GALK2: variants seen among roughly 807,000 people sequenced by gnomAD.
GALK2 encodes galactokinase 2.
In GALK2, 36 loss-of-function variants were observed where a neutral mutation model predicts 52.4. The ratio of observed to expected loss-of-function variants is 0.69; its 90% CI spans 0.53 to 0.91. GALK2 has a LOEUF of 0.91. GALK2 is among the 40% of genes least tolerant of loss of function. GALK2 has a pLI of 0.00. For synonymous variants in GALK2, 176 were observed against 199.1 expected (o/e 0.88, Z 0.98); for missense variants, 579 against 559.1 (o/e 1.04, Z -0.36).
chr15:49,351,019 G>A (rs1056263705), intron 3 of GALK2, among the ~76,000 whole-genome samples: 1 of 152,136 alleles, frequency 6.6e-6, no homozygotes, highest in Middle Eastern at 3.2e-3. Flanking sequence ...GACCACACTG[G>A]CCAGTGCATA....
chr15:49,326,935 T>C (rs912890010), intron 9 of GALK2: 1 of 152,140 alleles, frequency 6.6e-6, no homozygotes, highest in African/African-American at 2.4e-5. Context: ...AAATATCTCA[T>C]TTAGATTGAA....
At chr15:49,210,973 TCACACACACACA>T (rs3075099) in intron 2 of GALK2, among the ~76,000 whole-genome samples, 1 of 146,540 alleles carries the variant, frequency 6.8e-6, no homozygotes, top group Non-Finnish European at 1.5e-5. Flanking sequence ...ACACACACAC[TCACACACACACA>T]CACACACACA....
At chr15:49,351,042 A>G (rs902180725) in intron 3 of GALK2, among the ~76,000 whole-genome samples, 1 of 152,144 alleles carries the variant, frequency 6.6e-6, no homozygotes, top group African/African-American at 2.4e-5. Context: ...CTACTCAACC[A>G]TACGCTGTGG....
At chr15:49,174,521 T>C (rs1171537317) in intron 1 of GALK2, among the ~76,000 whole-genome samples, 3 of 152,064 alleles carry the variant, frequency 2.0e-5, no homozygotes, top group Non-Finnish European at 4.4e-5. Flanking sequence ...AATTTTTGTA[T>C]TTTTAGTAGA....
At chr15:49,197,283 A>G (rs1363042414) in intron 1 of GALK2, among the ~76,000 whole-genome samples, 2 of 152,230 alleles carry the variant, frequency 1.3e-5, no homozygotes, top group South Asian at 2.1e-4. Flanking sequence ...AGCATAATAC[A>G]TTCAGTCCTA....
At chr15:49,345,936 G>T (rs983564709) in intron 3 of GALK2, among the ~76,000 whole-genome samples, 1 of 152,104 alleles carries the variant, frequency 6.6e-6, no homozygotes, top group African/African-American at 2.4e-5. Flanking sequence ...GAAAAGAATG[G>T]CCCAGGGGCA....
chr15:49,271,313 T>C (rs2030564625), intron 5 of GALK2, among the ~76,000 whole-genome samples: 1 of 152,180 alleles, frequency 6.6e-6, no homozygotes, highest in Non-Finnish European at 1.5e-5. Flanking sequence ...TTCTCCCCTC[T>C]TCTCCTCTTC....
At chr15:49,187,713 C>T (rs1372635646) in intron 1 of GALK2, among the ~76,000 whole-genome samples, 2 of 152,164 alleles carry the variant, frequency 1.3e-5, no homozygotes, top group African/African-American at 4.8e-5. Context: ...CTCCCCCAGC[C>T]TGTAGTGAGT....
At chr15:49,218,803 C>T (rs984583296) in intron 3 of GALK2, among the ~76,000 whole-genome samples, 1 of 151,942 alleles carries the variant, frequency 6.6e-6, no homozygotes, top group Non-Finnish European at 1.5e-5. Context: ...TGGGTAAATA[C>T]CTATGATTGG....
intron 1 of GALK2, among the ~76,000 whole-genome samples, chr15:49,192,178 C>T (rs1473956990): frequency 1.3e-5 from 2 of 151,776 alleles, no homozygotes; most frequent in Non-Finnish European, 2.9e-5. Context: ...TCAGCCATTT[C>T]TTTAAGGAAC....
chr15:49,331,909 T>A, downstream of GALK2: 1 of 930,520 alleles, frequency 1.1e-6, no homozygotes, highest in Non-Finnish European at 1.8e-6. Context: ...TGACACCATC[T>A]AAATAGCCAA....
rs917014865 is a variant in GALK2, at chr15:49,349,506, T to C, written c.427-17985T>C. On this transcript the variant is annotated intron_variant, in intron 3 of 3. Coordinates refer to the GALK2 transcript ENST00000558399. ...TTACTATGCCTTGCCAATATTTTTA[T>C]GCTTATTCTCTATTACATAAGTTTT... 1.3e-5 allele frequency among the ~76,000 whole-genome samples: 2 copies of C among 152,210 alleles called. 1 individual carries two copies. Among genetic ancestry groups the C allele is most frequent in the Non-Finnish European group, 2.9e-5 (2 of 68,016 alleles).
chr15:49,180,099 A>G (rs372727580), intron 1 of GALK2, among the ~76,000 whole-genome samples: 1 of 152,320 alleles, frequency 6.6e-6, no homozygotes, highest in African/African-American at 2.4e-5. Context: ...TGCCTTCCCA[A>G]GGAAGTCTAG....
intron 5 of GALK2, among the ~76,000 whole-genome samples, chr15:49,278,415 T>C (rs527912747): frequency 6.6e-6 from 1 of 152,360 alleles, no homozygotes; most frequent in African/African-American, 2.4e-5. Flanking sequence ...TCTTGTATTC[T>C]ATAGTAATTA....
At chr15:49,216,474 G>T (rs1330687285) in intron 2 of GALK2, among the ~76,000 whole-genome samples, 1 of 152,148 alleles carries the variant, frequency 6.6e-6, no homozygotes, top group African/African-American at 2.4e-5. Context: ...TCCTGGAGTT[G>T]GGTGCAGTGC....
intron 2 of GALK2, among the ~76,000 whole-genome samples, chr15:49,209,069 G>A (rs948777068): frequency 2.6e-5 from 4 of 152,174 alleles, no homozygotes; most frequent in Non-Finnish European, 1.5e-5. Flanking sequence ...TGAGTCTCCT[G>A]AAGGCAGCAG....
intron 2 of GALK2, among the ~76,000 whole-genome samples, chr15:49,210,973 T>TCA (rs3075099): frequency 0.25 from 36,116 of 146,488 alleles, 5,057 homozygotes; most frequent in Non-Finnish European, 0.33. Flanking sequence ...ACACACACAC[T>TCA]CACACACACA....
chr15:49,328,695 T>A lies in GALK2; in HGVS notation c.*536T>A, dbSNP rs1404520623. On this transcript the variant is annotated 3_prime_UTR_variant, in exon 10 of 10. Transcript: ENST00000560031. The stretch of plus-strand genomic sequence containing the variant: ...GGAACGCTATGAAAATAATACATGA[T>A]TAAAGTTTCACAGATCTTCTTGGAC... 3 of 1,549,690 alleles carry A rather than the reference T, an allele frequency of 1.9e-6. No individual in the cohort carries two copies. In the African/African-American group the frequency reaches 4.1e-5, roughly 21 times the overall value.
chr15:49,235,818 A>G (rs1162352593), intron 3 of GALK2, 33 bp from the exon 4 acceptor site: 1 of 1,477,282 alleles, frequency 6.8e-7, no homozygotes, highest in East Asian at 2.3e-5. Flanking sequence ...AGGCCTACAG[A>G]TTTTAAATTA....
Sources: gnomAD v4.1 joint callset for allele counts (sites outside exome capture counted in the v4.1 genomes callset) on GRCh38, gnomAD v4.1.1 for gene constraint, MANE v1.5 for transcripts, NCBI Gene and HGNC (gene_info 2026-07-23, HGNC 2026-07-21) for gene names.